The following SLC12A6 variants were observed in gnomAD, a reference collection of about 807,000 sequenced individuals.
SLC12A6 encodes solute carrier family 12 member 6, also known as K-Cl cotransporter 3.
In SLC12A6, 66 loss-of-function variants were observed where a neutral mutation model predicts 135.3. The observed-to-expected ratio is 0.49, with a 90% CI of 0.40 to 0.60. The LOEUF (loss-of-function observed/expected upper bound fraction) is 0.60. Among genes scored for constraint, SLC12A6 ranks in the 20% least tolerant of loss-of-function variants. The pLI is 0.00. For missense variants in SLC12A6, 1,058 were observed against 1,452.3 expected, an observed-to-expected ratio of 0.73 and a Z score of 4.41; for synonymous variants, 513 against 508.8, an observed-to-expected ratio of 1.01 and a Z score of -0.11.
Position 34,230,134 on chromosome 15 carries a change from G to A in SLC12A6, c.*3747C>T. On this transcript the variant is annotated 3_prime_UTR_variant, in exon 26 of 26. Coordinates refer to ENST00000354181, the MANE Select transcript of SLC12A6 (RefSeq NM_001365088.1). ...GCATCTCCTTTCAATAAATTAAATG[G>A]TTGAGAACAATGCATAAAAAAAGTT... 2 of 268,508 alleles carry A rather than the reference G, an allele frequency of 7.4e-6. No individual in the cohort carries two copies. The highest frequency in any genetic ancestry group is 1.4e-5 in the Non-Finnish European group (2 of 144,074). The allele number at this position is 268,508 out of a possible 1,614,324, so 16.6% of individuals were successfully genotyped here.
At chr15:34,309,712 G>GAGGT (rs767665785) in intron 2 of SLC12A6, among the ~76,000 whole-genome samples, 192 of 152,312 alleles carry the variant, frequency 1.3e-3, no homozygotes, top group Admixed American at 3.7e-3. Context: ...ATATTTCAGA[G>GAGGT]AGGTATTAGT....
In SLC12A6 at chr15:34,308,630, C is replaced by CAA. The variant is rs536506096; in HGVS notation, c.271+27778_271+27779dup. ...AGGAAGCCAGACACTGTCCACCTGA[C>CAA]AAAAAAAAAAAAAAAAAAAAAACAA... On this transcript the variant is annotated intron_variant, in intron 2 of 25. Coordinates refer to ENST00000354181, the MANE Select transcript of SLC12A6 (RefSeq NM_001365088.1). 7.8e-3 allele frequency among the ~76,000 whole-genome samples: 485 copies of CAA among 62,548 alleles called. 1 individual carries two copies. Among genetic ancestry groups the CAA allele is most frequent in the East Asian group, 0.02 (31 of 1,560 alleles). The allele number at this position is 62,548 out of a possible 152,430, so 41.0% of individuals were successfully genotyped here. A position where few individuals can be genotyped will look rare whatever the true frequency, so the allele number is the denominator to read the frequency against.
chr15:34,267,925 ATTTT>A (rs529928168), intron 3 of SLC12A6, among the ~76,000 whole-genome samples: 603 of 151,860 alleles, frequency 4.0e-3, no homozygotes, highest in Non-Finnish European at 7.4e-3. Context: ...ATCTATATAT[ATTTT>A]TTCTTTTCTA....
chr15:34,293,896 C>A (rs1895707826), intron 2 of SLC12A6, among the ~76,000 whole-genome samples: 1 of 152,190 alleles, frequency 6.6e-6, no homozygotes, highest in African/African-American at 2.4e-5. Flanking sequence ...AACCACCATG[C>A]CCAGCCAGGG....
intron 13 of SLC12A6, among the ~76,000 whole-genome samples, chr15:34,247,708 C>CT (rs560146427): frequency 0.11 from 16,262 of 143,614 alleles, 995 homozygotes; most frequent in East Asian, 0.3. Context: ...ACTATCCTGA[C>CT]TTTTTTTTTT....
At chr15:34,300,927 T>A (rs745474752) in intron 2 of SLC12A6, among the ~76,000 whole-genome samples, 6 of 152,140 alleles carry the variant, frequency 3.9e-5, no homozygotes, top group Non-Finnish European at 7.4e-5. Flanking sequence ...TACAACTTCA[T>A]GTAATACAGA....
rs772765619 is a variant in SLC12A6, at chr15:34,250,981, G to A, written c.1410C>T (p.Gly470=). ...KPSAKSSDVL[G]SLNHEYVLVD... ...CAAGAACATATTCATGGTTTAAGCT[G>A]CCTAAGACATCAGAAGATTTGGCTG... Residue 470 remains glycine, a synonymous_variant, in exon 11 of 26, where the codon GGC becomes GGT. Coordinates refer to ENST00000354181, the MANE Select transcript of SLC12A6 (RefSeq NM_001365088.1). The A allele has an allele frequency of 2.5e-6, 4 of 1,609,526 alleles. No individual in the cohort carries two copies. The African/African-American group carries it at 4.0e-5, about 16-fold the overall frequency.
intron 9 of SLC12A6, 124 bp from the exon 10 acceptor site, chr15:34,252,508 A>G: frequency 1.5e-6 from 1 of 666,250 alleles, no homozygotes; most frequent in Non-Finnish European, 2.7e-6. Flanking sequence ...TATGGGTGGG[A>G]AAGGAACTAA....
rs921595916 is a variant in SLC12A6, at chr15:34,330,398, C to T, written c.271+6012G>A. 4.6e-5 allele frequency among the ~76,000 whole-genome samples: 7 copies of T among 152,224 alleles called. No homozygotes were observed. In the South Asian group the frequency reaches 6.2e-4, roughly 14 times the overall value. On this transcript the variant is annotated intron_variant, in intron 2 of 25. Transcript: ENST00000354181. ...CAGTTAAGGTATATAACCAGCTGGG[C>T]GCGGTGGCTCACGCCTGTAATCCTA...
intron 2 of SLC12A6, among the ~76,000 whole-genome samples, chr15:34,334,756 CAT>C (rs1241817203): frequency 2.6e-5 from 4 of 152,092 alleles, no homozygotes; most frequent in Non-Finnish European, 5.9e-5. Flanking sequence ...CGTAAACAAA[CAT>C]AAATTTCACT....
intron 14 of SLC12A6, 108 bp from the exon 15 acceptor site, chr15:34,245,511 G>C (rs1891920814): frequency 4.5e-6 from 4 of 894,446 alleles, no homozygotes; most frequent in Admixed American, 1.7e-5. Context: ...TTACAACTGT[G>C]ATACCTTTTA....
Position 34,229,821 on chromosome 15 carries a change from T to A in SLC12A6, c.*4060A>T. 1 of 1,609,642 alleles carries A rather than the reference T, an allele frequency of 6.2e-7. No homozygotes were observed. Among genetic ancestry groups the A allele is most frequent in the Non-Finnish European group, 8.5e-7 (1 of 1,175,938 alleles). On this transcript the variant is annotated 3_prime_UTR_variant, in exon 26 of 26. Transcript: ENST00000354181. Reference sequence around the variant, plus strand: ...AAAGCAGCGCCTGGTCCCTATGTATTTGGGTCTTATTTACATCCTTCTTTA... The same window carrying A: ...AAAGCAGCGCCTGGTCCCTATGTATATGGGTCTTATTTACATCCTTCTTTA...
chr15:34,263,734 G>A (rs1209425024), intron 3 of SLC12A6, among the ~76,000 whole-genome samples: 1 of 151,856 alleles, frequency 6.6e-6, no homozygotes, highest in East Asian at 1.9e-4. Context: ...AAAAATTAAA[G>A]AATTAAAAAC....
At chr15:34,241,812 G>T (rs897445814) in intron 17 of SLC12A6, among the ~76,000 whole-genome samples, 16 of 152,126 alleles carry the variant, frequency 1.1e-4, no homozygotes, top group East Asian at 1.9e-4. Flanking sequence ...CCCCTTGACT[G>T]AAGAGATAAG....
In SLC12A6 at chr15:34,233,669, G is replaced by A. The variant is rs1891072479; in HGVS notation, c.*212C>T. The stretch of plus-strand genomic sequence containing the variant: ...TGAAAGACTTGAGCATTGTTCTGAT[G>A]TTGAGGGAATATTTGCTTTTTCTGT... On this transcript the variant is annotated 3_prime_UTR_variant, in exon 26 of 26. Transcript: ENST00000354181. 2 of 564,182 alleles carry A rather than the reference G, an allele frequency of 3.5e-6. No individual in the cohort carries two copies. The highest frequency in any genetic ancestry group is 4.0e-5 in the South Asian group (2 of 50,062). The allele number at this position is 564,182 out of a possible 1,614,324, so 34.9% of individuals were successfully genotyped here. A position where few individuals can be genotyped will look rare whatever the true frequency, so the allele number is the denominator to read the frequency against.
At position 34,296,389 on chromosome 15, in the gene SLC12A6, T is replaced by A. The variant is rs76828061; in HGVS notation, c.272-21000A>T. ...ATACAGATAGGAAATATTAAAAAGC[T>A]AAAGCAAGATTAGGCTCAATGGTTC... On this transcript the variant is annotated intron_variant, in intron 2 of 25. Coordinates refer to ENST00000354181, the MANE Select transcript of SLC12A6 (RefSeq NM_001365088.1). Among the ~76,000 whole-genome samples the A allele has an allele frequency of 4.6e-3, 696 of 152,298 alleles. 23 individuals carry two copies. Among genetic ancestry groups the A allele is most frequent in the Admixed American group, 0.038 (586 of 15,298 alleles).
intron 2 of SLC12A6, among the ~76,000 whole-genome samples, chr15:34,296,929 T>C (rs1397873665): frequency 6.6e-6 from 1 of 152,230 alleles, no homozygotes; most frequent in Non-Finnish European, 1.5e-5. Flanking sequence ...CTTGTGTTAT[T>C]TGTATACTTC....
At chr15:34,332,713 G>A (rs972991685) in intron 2 of SLC12A6, among the ~76,000 whole-genome samples, 3 of 151,928 alleles carry the variant, frequency 2.0e-5, no homozygotes, top group Admixed American at 6.6e-5. Context: ...GACCAGGGAG[G>A]TGGAGGTTGC....
chr15:34,277,594 G>A (rs1894387062), intron 2 of SLC12A6, among the ~76,000 whole-genome samples: 1 of 152,164 alleles, frequency 6.6e-6, no homozygotes, highest in African/African-American at 2.4e-5. Flanking sequence ...TAGCTGGCAT[G>A]AAAAGAAGAG....
Sources: allele counts gnomAD v4.1 joint callset (sites outside exome capture counted in the v4.1 genomes callset), GRCh38; gene constraint gnomAD v4.1.1; transcripts MANE v1.5; gene names NCBI Gene and HGNC (gene_info 2026-07-23, HGNC 2026-07-21).